Variants in EFR3B observed in about 807,000 individuals in gnomAD.
EFR3B encodes EFR3 homolog B.
In EFR3B, 64 loss-of-function variants were observed where a neutral mutation model predicts 104.7. The observed-to-expected ratio is 0.61, with a 90% CI of 0.50 to 0.75. EFR3B has a LOEUF of 0.75. Among genes scored for constraint, EFR3B ranks in the 30% least tolerant of loss-of-function variants. The probability of loss-of-function intolerance (pLI) is 0.00; values close to 1 mark genes in which losing one functional copy is unlikely to be tolerated. For synonymous variants in EFR3B, 385 were observed against 417.9 expected (o/e 0.92, Z 0.96); for missense variants, 750 against 1,078.5 (o/e 0.70, Z 4.27).
At chr2:25,115,635 A>C (rs1669836587) in intron 4 of EFR3B, among the ~76,000 whole-genome samples, 1 of 152,192 alleles carries the variant, frequency 6.6e-6, no homozygotes, top group African/African-American at 2.4e-5. Flanking sequence ...TTAAGGACTA[A>C]CTTAATTTGA....
intron 6 of EFR3B, among the ~76,000 whole-genome samples, chr2:25,129,040 CT>C (rs1670251056): frequency 7.1e-6 from 1 of 140,656 alleles, no homozygotes; most frequent in Non-Finnish European, 1.5e-5. Flanking sequence ...GACTTTCCAT[CT>C]GGACCTTCCT....
At chr2:25,096,252 G>A (rs1236862235) in intron 3 of EFR3B, among the ~76,000 whole-genome samples, 1 of 152,178 alleles carries the variant, frequency 6.6e-6, no homozygotes, top group Non-Finnish European at 1.5e-5. Context: ...CTGACCTCGT[G>A]ATCCACCTGC....
chr2:25,126,312 CTGAG>C (rs1437095908), intron 5 of EFR3B, among the ~76,000 whole-genome samples: 1 of 152,084 alleles, frequency 6.6e-6, no homozygotes, highest in African/African-American at 2.4e-5. Context: ...CCCCAGCCTC[CTGAG>C]TATCTGTGAC....
chr2:25,062,801 C>T (rs13007686), intron 1 of EFR3B, among the ~76,000 whole-genome samples: 13,947 of 152,276 alleles, frequency 0.092, 868 homozygotes, highest in East Asian at 0.24. Flanking sequence ...CTGCCATTGG[C>T]GTTGCTGACT....
chr2:25,095,559 G>C (rs1392429633), intron 3 of EFR3B, among the ~76,000 whole-genome samples: 1 of 152,064 alleles, frequency 6.6e-6, no homozygotes, highest in Non-Finnish European at 1.5e-5. Context: ...AGCTGGGTGT[G>C]GGGGCATGCA....
At position 25,157,141 on chromosome 2, in the gene EFR3B, C is replaced by T. The variant is rs568442078; in HGVS notation, c.*2801C>T. 1.3e-5 allele frequency: 2 copies of T among 152,338 alleles called. No individual in the cohort carries two copies. The highest frequency in any genetic ancestry group is 3.9e-4 in the East Asian group (2 of 5,194). The allele number at this position is 152,338 out of a possible 1,614,324, so 9.4% of individuals were successfully genotyped here. A position where few individuals can be genotyped will look rare whatever the true frequency, so the allele number is the denominator to read the frequency against. ...ATTCTGCTGTTTCCTCTCCACCGGT[C>T]CCAGGCAGCTTTTCCTTTCCATCAC... On this transcript the variant is annotated 3_prime_UTR_variant, in exon 23 of 23. Transcript: ENST00000403714.
intron 1 of EFR3B, among the ~76,000 whole-genome samples, chr2:25,045,291 G>A (rs1443511332): frequency 1.3e-5 from 2 of 152,078 alleles, no homozygotes; most frequent in Non-Finnish European, 2.9e-5. Context: ...TCACCACTCA[G>A]TCATTCCTAA....
chr2:25,053,770 G>C (rs371230632), intron 1 of EFR3B, among the ~76,000 whole-genome samples: 1 of 152,188 alleles, frequency 6.6e-6, no homozygotes, highest in Non-Finnish European at 1.5e-5. Context: ...GGCTGGGCAT[G>C]GTGGCATGTG....
rs1262774905 is a variant in EFR3B, at chr2:25,137,089, T to C, written c.1561-252T>C. On this transcript the variant is annotated intron_variant, in intron 14 of 22. Coordinates refer to ENST00000403714, the MANE Select transcript of EFR3B (RefSeq NM_014971.2). This position sits in a 1 kb window ranked among gnomAD's most constrained non-coding sequence, Gnocchi z 4.7. ...TGAGCCAGTCCAGGGCCAGTGACTG[T>C]GTTCTGCTCCTACACCTGGATTTGG... Among the ~76,000 whole-genome samples the C allele has an allele frequency of 2.6e-5, 4 of 152,122 alleles. No homozygotes were observed. The highest frequency in any genetic ancestry group is 1.5e-5 in the Non-Finnish European group (1 of 68,006).
intron 3 of EFR3B, among the ~76,000 whole-genome samples, chr2:25,098,321 T>C (rs1669338266): frequency 6.6e-6 from 1 of 152,190 alleles, no homozygotes; most frequent in South Asian, 2.1e-4. Flanking sequence ...TCATCCTGCC[T>C]GCTGACCCTA....
intron 1 of EFR3B, among the ~76,000 whole-genome samples, chr2:25,074,504 G>T (rs965915377): frequency 1.1e-4 from 16 of 151,748 alleles, no homozygotes; most frequent in Non-Finnish European, 1.6e-4. Context: ...GGCAGAGGTT[G>T]CAGTGAGCCA....
chr2:25,121,784 A>G lies in EFR3B; in HGVS notation c.475A>G (p.Ile159Val), dbSNP rs746612989. ...CCACTCGAGCCATGATGACTTAGAAATCAAGACCAAGTGAGTAGGGGAAGG... is the reference window on the plus strand; with the variant it reads ...CCACTCGAGCCATGATGACTTAGAAGTCAAGACCAAGTGAGTAGGGGAAGG... Reference protein sequence around the residue: ...MCHSSHDDLEIKTKIRMSGIK... With the variant: ...MCHSSHDDLEVKTKIRMSGIK... The change falls in exon 5 of 23, where the codon ATC becomes GTC. Residue 159 changes from isoleucine (I) to valine (V), a missense_variant. By Grantham distance (29) the Ile-to-Val change is conservative. Transcript: ENST00000403714. 6.4e-7 allele frequency: 1 copy of G among 1,551,798 alleles called. No individual in the cohort carries two copies. The highest frequency in any genetic ancestry group is 1.2e-5 in the South Asian group (1 of 84,052).
At chr2:25,151,341 C>T (rs1009428171) in intron 20 of EFR3B, among the ~76,000 whole-genome samples, 5 of 151,896 alleles carry the variant, frequency 3.3e-5, no homozygotes, top group Non-Finnish European at 7.4e-5. Context: ...CTGCAACCTC[C>T]ACCTCCCTGG....
intron 21 of EFR3B, among the ~76,000 whole-genome samples, chr2:25,153,290 G>C (rs769864046): frequency 6.6e-6 from 1 of 152,080 alleles, no homozygotes; most frequent in Admixed American, 6.6e-5. Flanking sequence ...GGAGGTAGAG[G>C]TTGCAGTGAG....
intron 4 of EFR3B, among the ~76,000 whole-genome samples, chr2:25,120,442 G>A (rs1260995581): frequency 1.3e-5 from 2 of 151,980 alleles, no homozygotes; most frequent in East Asian, 1.9e-4. Context: ...TCAAGAGATC[G>A]AGACCATCCT....
chr2:25,135,895 T>C (rs1013331324), intron 13 of EFR3B, among the ~76,000 whole-genome samples: 2 of 151,816 alleles, frequency 1.3e-5, no homozygotes, highest in Non-Finnish European at 2.9e-5. Flanking sequence ...GAACTGAAGA[T>C]TTGGAAGATA....
rs183968189 is a variant in EFR3B, at chr2:25,103,501, C to T, written c.213-136C>T. On this transcript the variant is annotated intron_variant, in intron 3 of 22. Transcript: ENST00000403714. ...ACACTTGTTGGAAAGGCTATCCAGACGTTGGCAGCCTGTGGGGGAGCCTCA... is the reference window on the plus strand; with the variant it reads ...ACACTTGTTGGAAAGGCTATCCAGATGTTGGCAGCCTGTGGGGGAGCCTCA... 425 of 1,217,944 alleles carry T rather than the reference C, an allele frequency of 3.5e-4. 3 individuals carry two copies. In the East Asian group the frequency reaches 7.6e-3, roughly 22 times the overall value. 75.4% of individuals were successfully genotyped at this position (1,217,944 alleles called of 1,614,324 possible). A position where few individuals can be genotyped will look rare whatever the true frequency, so the allele number is the denominator to read the frequency against.
intron 17 of EFR3B, 25 bp from the exon 18 acceptor site, chr2:25,143,710 A>T: frequency 6.4e-7 from 1 of 1,550,964 alleles, no homozygotes; most frequent in Non-Finnish European, 8.7e-7. Flanking sequence ...GTTCTAACGA[A>T]CTTTCTCCCT....
intron 5 of EFR3B, among the ~76,000 whole-genome samples, chr2:25,123,801 C>T (rs1008049581): frequency 6.6e-6 from 1 of 152,262 alleles, no homozygotes. Context: ...CACACGTGCA[C>T]ACACGCACAC....
Sources: gnomAD v4.1 joint callset for allele counts (sites outside exome capture counted in the v4.1 genomes callset) on GRCh38, gnomAD v4.1.1 for gene constraint, Gnocchi (gnomAD v3.1) non-coding constraint, MANE v1.5 for transcripts, NCBI Gene and HGNC (gene_info 2026-07-23, HGNC 2026-07-21) for gene names.